Variants in SHISA9 observed in about 807,000 individuals in gnomAD.
SHISA9 encodes the protein protein shisa-9.
Under a neutral mutation model 38.0 loss-of-function variants are expected in SHISA9, and 13 were observed. The ratio of observed to expected loss-of-function variants is 0.34; its 90% CI spans 0.22 to 0.54. The LOEUF (loss-of-function observed/expected upper bound fraction) is 0.54, where lower values mean the gene tolerates loss of function less well. SHISA9 is among the 20% of genes least tolerant of loss of function. The pLI is 0.91. For missense variants in SHISA9, 538 were observed against 575.8 expected (o/e 0.93, Z 0.67); for synonymous variants, 275 against 242.0 (o/e 1.14, Z -1.27).
intron 2 of SHISA9, among the ~76,000 whole-genome samples, chr16:13,183,015 C>T (rs1371763116): frequency 6.6e-6 from 1 of 152,066 alleles, no homozygotes; most frequent in African/African-American, 2.4e-5. Flanking sequence ...TTGGCTGGAA[C>T]ATCTACACGT....
At chr16:13,456,379 A>C in the SHISA9 span, among the ~76,000 whole-genome samples, 1 of 152,318 alleles carries the variant, frequency 6.6e-6, no homozygotes, top group South Asian at 2.1e-4. Context: ...CAGCTTAATA[A>C]TCATGTTTTT....
the SHISA9 span, among the ~76,000 whole-genome samples, chr16:13,383,747 C>A: frequency 6.6e-6 from 1 of 152,258 alleles, no homozygotes; most frequent in East Asian, 1.9e-4. Flanking sequence ...ACCTCCCAGG[C>A]TCAAGCGATC....
At chr16:13,296,891 CAAAAAAAAAAAAAAAAAAA>C in the SHISA9 span, among the ~76,000 whole-genome samples, 2 of 26,604 alleles carry the variant, frequency 7.5e-5, no homozygotes, top group East Asian at 1.4e-3. Context: ...AACTCCATCT[CAAAAAAAAAAAAAAAAAAA>C]AAAAAAAAAA....
chr16:13,411,667 A>T, the SHISA9 span, among the ~76,000 whole-genome samples: 2 of 152,218 alleles, frequency 1.3e-5, no homozygotes, highest in African/African-American at 4.8e-5. Context: ...CAGCAGAATA[A>T]ATGAAGATGA....
chr16:13,007,172 C>T (rs189778093), intron 2 of SHISA9, among the ~76,000 whole-genome samples: 90 of 152,334 alleles, frequency 5.9e-4, no homozygotes, highest in African/African-American at 1.9e-3. Flanking sequence ...TAAACTCTCT[C>T]GCTTGACCTC....
At chr16:13,326,716 T>C in the SHISA9 span, among the ~76,000 whole-genome samples, 1 of 152,014 alleles carries the variant, frequency 6.6e-6, no homozygotes, top group South Asian at 2.1e-4. Flanking sequence ...GCAAGGCGCC[T>C]TCTCAGAAAA....
chr16:13,158,350 T>C (rs2050565253), intron 2 of SHISA9, among the ~76,000 whole-genome samples: 1 of 151,986 alleles, frequency 6.6e-6, no homozygotes, highest in African/African-American at 2.4e-5. Flanking sequence ...CAGCAGAAAA[T>C]GAATGTATTA....
chr16:12,970,402 T>TACAC (rs1245982561), intron 2 of SHISA9, among the ~76,000 whole-genome samples: 3 of 7,310 alleles, frequency 4.1e-4, no homozygotes, highest in Non-Finnish European at 8.6e-4. Flanking sequence ...TATATATATA[T>TACAC]ACATATATAT....
the SHISA9 span, among the ~76,000 whole-genome samples, chr16:13,303,346 A>G: frequency 3.3e-5 from 5 of 152,248 alleles, no homozygotes; most frequent in East Asian, 9.6e-4. Context: ...TAAATGGATG[A>G]TTAAGTGGAT....
chr16:13,503,514 G>A, the SHISA9 span, among the ~76,000 whole-genome samples: 3 of 152,114 alleles, frequency 2.0e-5, no homozygotes, highest in African/African-American at 7.2e-5. Flanking sequence ...GGCTACTTGG[G>A]CTTCCTCCCA....
intron 2 of SHISA9, among the ~76,000 whole-genome samples, chr16:13,198,164 G>A (rs758601711): frequency 1.4e-4 from 22 of 151,882 alleles, no homozygotes; most frequent in Admixed American, 3.9e-4. Flanking sequence ...CAGTCTGGGC[G>A]ACAGAGTGAG....
the SHISA9 span, among the ~76,000 whole-genome samples, chr16:13,524,668 C>T: frequency 2.5e-3 from 385 of 152,300 alleles, 1 homozygote; most frequent in Middle Eastern, 0.014. Context: ...AAGCAATCCT[C>T]CTACCTCAGC....
At chr16:13,042,145 C>T (rs1329823762) in intron 2 of SHISA9, among the ~76,000 whole-genome samples, 2 of 152,170 alleles carry the variant, frequency 1.3e-5, no homozygotes, top group Non-Finnish European at 2.9e-5. Context: ...GTTCCCTGAT[C>T]TGTTGGGTAG....
the SHISA9 span, among the ~76,000 whole-genome samples, chr16:13,358,100 G>A: frequency 1.3e-5 from 2 of 152,134 alleles, no homozygotes; most frequent in African/African-American, 4.8e-5. Flanking sequence ...CTTGAAAAGA[G>A]AGAATCTTCC....
chr16:13,079,620 G>A (rs894906493), intron 2 of SHISA9, among the ~76,000 whole-genome samples: 4 of 152,150 alleles, frequency 2.6e-5, no homozygotes, highest in Non-Finnish European at 5.9e-5. Flanking sequence ...ATTTCTCCTG[G>A]AAGATCCATT....
the SHISA9 span, among the ~76,000 whole-genome samples, chr16:13,557,717 A>G: frequency 6.6e-6 from 1 of 152,118 alleles, no homozygotes; most frequent in Admixed American, 6.6e-5. Context: ...TTGCAACAAG[A>G]AAGAGCCTCT....
intron 2 of SHISA9, among the ~76,000 whole-genome samples, chr16:12,987,550 C>T (rs184912017): frequency 1.3e-4 from 20 of 152,200 alleles, no homozygotes; most frequent in Admixed American, 4.6e-4. Context: ...ACAATGAGAA[C>T]ACATGGACAT....
chr16:13,106,698 G>C (rs1163762346), intron 2 of SHISA9, among the ~76,000 whole-genome samples: 1 of 152,144 alleles, frequency 6.6e-6, no homozygotes, highest in Non-Finnish European at 1.5e-5. Context: ...CATGTGACCT[G>C]GATGAGCCAA....
chr16:13,510,105 A>G, the SHISA9 span, among the ~76,000 whole-genome samples: 24 of 152,192 alleles, frequency 1.6e-4, no homozygotes, highest in Non-Finnish European at 2.8e-4. Flanking sequence ...CAGGAGTTCG[A>G]GACCAGGCTG....
Sources: gnomAD v4.1 joint callset for allele counts (sites outside exome capture counted in the v4.1 genomes callset) on GRCh38, gnomAD v4.1.1 for gene constraint, MANE v1.5 for transcripts, NCBI Gene and HGNC (gene_info 2026-07-23, HGNC 2026-07-21) for gene names.